The following FAM20A variants were observed in gnomAD, a reference collection of about 807,000 sequenced individuals.
The protein encoded by FAM20A is FAM20A golgi associated secretory pathway pseudokinase.
FAM20A carries 42 observed loss-of-function variants against 52.0 expected under a neutral mutation model. The ratio of observed to expected loss-of-function variants is 0.81; its 90% CI spans 0.63 to 1.04. FAM20A has a LOEUF of 1.04. Among genes scored for constraint, FAM20A ranks in the 50% least tolerant of loss-of-function variants. The pLI is 0.00. For missense variants in FAM20A, 742 were observed against 712.7 expected (o/e 1.04, Z -0.47); for synonymous variants, 304 against 298.9 (o/e 1.02, Z -0.18).
In FAM20A at chr17:68,539,947, A is replaced by T; in HGVS notation, c.1239T>A (p.His413Gln). The T allele has an allele frequency of 6.2e-7, 1 of 1,614,132 alleles. No homozygotes were observed. Among genetic ancestry groups the T allele is most frequent in the South Asian group, 1.1e-5 (1 of 91,084 alleles). The change falls in exon 9 of 11, where the codon CAT (histidine) becomes CAA (glutamine). Residue 413 changes from histidine (H) to glutamine (Q), a missense_variant. By Grantham distance (24) the His-to-Gln change is conservative. Coordinates refer to ENST00000592554, the MANE Select transcript of FAM20A (RefSeq NM_017565.4). ...DFLIGNMDRH[H>Q]YEMFTKFGDD... is the part of the protein sequence containing the mutation. ...CCCCGAACTTGGTGAACATCTCATAATGGTGCCGGTCCATATTCCCTGTGA... is the reference window on the plus strand; with the variant it reads ...CCCCGAACTTGGTGAACATCTCATATTGGTGCCGGTCCATATTCCCTGTGA...
At chr17:68,592,740 A>G (rs1329489015) in intron 1 of FAM20A, among the ~76,000 whole-genome samples, 2 of 152,082 alleles carry the variant, frequency 1.3e-5, no homozygotes, top group East Asian at 1.9e-4. Flanking sequence ...TTTCTTTTTT[A>G]CTTTCCGTAT....
intron 3 of FAM20A, among the ~76,000 whole-genome samples, chr17:68,554,141 TA>T (rs1210934056): frequency 1.3e-5 from 2 of 151,764 alleles, no homozygotes; most frequent in African/African-American, 2.4e-5. Context: ...TATATATATA[TA>T]TATTTTTAGC....
intron 1 of FAM20A, among the ~76,000 whole-genome samples, chr17:68,587,598 A>G (rs1207980172): frequency 1.3e-5 from 2 of 152,210 alleles, no homozygotes; most frequent in African/African-American, 2.4e-5. Context: ...GAGGCCCTAC[A>G]TGGAATCCAC....
At chr17:68,599,923 G>A (rs992098210) in intron 1 of FAM20A, among the ~76,000 whole-genome samples, 1 of 152,244 alleles carries the variant, frequency 6.6e-6, no homozygotes, top group East Asian at 1.9e-4. Context: ...AGAGAGTGGG[G>A]TTTGGGAGCG....
rs747723937 is a variant in FAM20A, at chr17:68,535,937, C to G, written c.*1540G>C. ...AATTGTGTGATTTTGCTTACTCTCT[C>G]TGAGATTTAAAGTTCTTCCATGCAC... On this transcript the variant is annotated 3_prime_UTR_variant, in exon 11 of 11. Coordinates refer to ENST00000592554, the MANE Select transcript of FAM20A (RefSeq NM_017565.4). The G allele has an allele frequency of 1.1e-5, 5 of 454,066 alleles. No homozygotes were observed. The highest frequency in any genetic ancestry group is 7.8e-5 in the South Asian group (5 of 64,476). 28.1% of individuals were successfully genotyped at this position (454,066 alleles called of 1,614,324 possible).
At chr17:68,553,079 A>G (rs2086916948) in intron 3 of FAM20A, among the ~76,000 whole-genome samples, 1 of 151,956 alleles carries the variant, frequency 6.6e-6, no homozygotes, top group Non-Finnish European at 1.5e-5. Context: ...ATCTCATCTC[A>G]AATTGCTGAG....
chr17:68,560,533 G>A (rs2087185054), intron 1 of FAM20A, among the ~76,000 whole-genome samples: 1 of 152,076 alleles, frequency 6.6e-6, no homozygotes, highest in South Asian at 2.1e-4. Flanking sequence ...AAGCCAATCA[G>A]TTTATGTTAC....
intron 1 of FAM20A, chr17:68,590,410 C>T (rs1197955876): frequency 1.3e-5 from 2 of 152,128 alleles, no homozygotes; most frequent in East Asian, 3.9e-4. Flanking sequence ...CCAGTTGAGA[C>T]CTCTTTTTTC....
At chr17:68,541,843 G>T in intron 7 of FAM20A, 142 bp downstream of exon 7, 2 of 1,019,470 alleles carry the variant, frequency 2.0e-6, no homozygotes, top group South Asian at 1.6e-5. Flanking sequence ...CAGGCCTGCT[G>T]ATCCCAGGAT....
At chr17:68,589,421 T>G (rs1213366011) in intron 1 of FAM20A, among the ~76,000 whole-genome samples, 2 of 152,338 alleles carry the variant, frequency 1.3e-5, no homozygotes, top group Non-Finnish European at 2.9e-5. Context: ...TTGGAATAGT[T>G]TGTTATACAG....
At chr17:68,565,409 T>A (rs2087350064) in intron 1 of FAM20A, among the ~76,000 whole-genome samples, 1 of 127,528 alleles carries the variant, frequency 7.8e-6, no homozygotes, top group East Asian at 2.8e-4. Context: ...TTTTTTTTTT[T>A]TTGAGATGGA....
At chr17:68,546,247 A>G (rs2086560365) in intron 4 of FAM20A, among the ~76,000 whole-genome samples, 1 of 151,124 alleles carries the variant, frequency 6.6e-6, no homozygotes, top group Non-Finnish European at 1.5e-5. Flanking sequence ...CAATTCAGTC[A>G]CATTTTCAGA....
At chr17:68,583,065 G>A (rs894276907) in intron 1 of FAM20A, among the ~76,000 whole-genome samples, 25 of 151,648 alleles carry the variant, frequency 1.6e-4, no homozygotes, top group South Asian at 8.3e-4. Flanking sequence ...CTCGGCCTCC[G>A]AAAGTGCTGA....
chr17:68,587,272 C>A (rs1180163627), intron 1 of FAM20A, among the ~76,000 whole-genome samples: 2 of 152,194 alleles, frequency 1.3e-5, no homozygotes, highest in Non-Finnish European at 2.9e-5. Flanking sequence ...AGTTCTCTGC[C>A]ACAGGGTCTA....
chr17:68,572,734 TTTTATTTATTTA>T (rs781335091), intron 1 of FAM20A, among the ~76,000 whole-genome samples: 1 of 152,156 alleles, frequency 6.6e-6, no homozygotes, highest in Non-Finnish European at 1.5e-5. Flanking sequence ...TTCTTTTTAA[TTTTATTTATTTA>T]TTTATTTATT....
intron 1 of FAM20A, among the ~76,000 whole-genome samples, chr17:68,598,736 G>A (rs1458137665): frequency 6.6e-6 from 1 of 151,942 alleles, no homozygotes; most frequent in Non-Finnish European, 1.5e-5. Flanking sequence ...CTTTGCTTCG[G>A]GTCCAAAGTA....
intron 1 of FAM20A, among the ~76,000 whole-genome samples, chr17:68,575,473 A>T: frequency 8.4e-6 from 1 of 118,534 alleles, no homozygotes; most frequent in Non-Finnish European, 1.6e-5. Context: ...TATATAATAT[A>T]TTTTATATAT....
chr17:68,594,743 C>A (rs2088408080), intron 1 of FAM20A, among the ~76,000 whole-genome samples: 1 of 152,202 alleles, frequency 6.6e-6, no homozygotes, highest in South Asian at 2.1e-4. Context: ...CTATCCCTTG[C>A]CACATGGCCC....
chr17:68,552,833 C>T (rs1321000213), intron 3 of FAM20A, among the ~76,000 whole-genome samples: 13 of 139,180 alleles, frequency 9.3e-5, no homozygotes, highest in Non-Finnish European at 2.1e-4. Flanking sequence ...AGGCGCCCGC[C>T]ACCGCGCCCG....
Sources: allele counts gnomAD v4.1 joint callset (sites outside exome capture counted in the v4.1 genomes callset), GRCh38; gene constraint gnomAD v4.1.1; transcripts MANE v1.5; gene names NCBI Gene and HGNC (gene_info 2026-07-23, HGNC 2026-07-21).